The following SIPA1L3 variants were observed in gnomAD, a reference collection of about 807,000 sequenced individuals.
SIPA1L3 encodes the protein signal induced proliferation associated 1 like 3.
A neutral mutation model predicts 150.1 loss-of-function variants in SIPA1L3; 59 were observed. That is an observed-to-expected ratio of 0.39 (90% CI 0.32 to 0.49). SIPA1L3 has a LOEUF of 0.49. SIPA1L3 is among the 20% of genes least tolerant of loss of function. SIPA1L3 has a pLI of 0.86. For synonymous variants in SIPA1L3, 1,070 were observed against 1,077.6 expected (o/e 0.99, Z 0.14); for missense variants, 2,211 against 2,489.5 (o/e 0.89, Z 2.38).
chr19:38,054,810 G>A (rs1969280927), intron 2 of SIPA1L3, among the ~76,000 whole-genome samples: 1 of 152,174 alleles, frequency 6.6e-6, no homozygotes, highest in Admixed American at 6.5e-5. Flanking sequence ...CTTTCCAGGG[G>A]CATCACACGA....
chr19:38,100,400 C>T (rs1404150174), intron 5 of SIPA1L3, among the ~76,000 whole-genome samples: 1 of 152,126 alleles, frequency 6.6e-6, no homozygotes, highest in African/African-American at 2.4e-5. Flanking sequence ...TGTGTGCATG[C>T]ATATATGTGT....
At chr19:38,179,460 AT>A (rs1377484098) in intron 15 of SIPA1L3, among the ~76,000 whole-genome samples, 1 of 152,198 alleles carries the variant, frequency 6.6e-6, no homozygotes, top group Non-Finnish European at 1.5e-5. Flanking sequence ...AAAATAAAAA[AT>A]ATATATAATT....
chr19:38,171,940 G>A (rs1432338481), intron 15 of SIPA1L3, among the ~76,000 whole-genome samples: 1 of 152,108 alleles, frequency 6.6e-6, no homozygotes, highest in South Asian at 2.1e-4. Context: ...CCAATGGGAG[G>A]TTGGGGAAAT....
chr19:38,091,391 T>C (rs1970254095), intron 4 of SIPA1L3, among the ~76,000 whole-genome samples: 1 of 151,918 alleles, frequency 6.6e-6, no homozygotes, highest in South Asian at 2.1e-4. Context: ...GTCTCAAAAA[T>C]ATATACATAC....
At chr19:38,105,157 A>G (rs900294460) in intron 6 of SIPA1L3, among the ~76,000 whole-genome samples, 7 of 151,904 alleles carry the variant, frequency 4.6e-5, no homozygotes, top group African/African-American at 1.7e-4. Flanking sequence ...CAGGGGTTCA[A>G]CCAGCCTGGG....
At chr19:38,140,016 C>T (rs889966968) in intron 10 of SIPA1L3, among the ~76,000 whole-genome samples, 1 of 152,202 alleles carries the variant, frequency 6.6e-6, no homozygotes, top group East Asian at 1.9e-4. Context: ...GTTAAGTTTC[C>T]AACACGTGAC....
chr19:38,031,585 T>A (rs1468582306), intron 2 of SIPA1L3, among the ~76,000 whole-genome samples: 1 of 152,200 alleles, frequency 6.6e-6, no homozygotes, highest in African/African-American at 2.4e-5. Flanking sequence ...TCTCAGTGCG[T>A]CATTGTGGGG....
chr19:37,994,136 A>C (rs566826514), intron 1 of SIPA1L3, among the ~76,000 whole-genome samples: 3 of 152,228 alleles, frequency 2.0e-5, no homozygotes, highest in Admixed American at 1.3e-4. Context: ...TTCTGGCCTC[A>C]AGTGACCCTA....
intron 2 of SIPA1L3, among the ~76,000 whole-genome samples, chr19:38,049,722 C>G (rs925818068): frequency 6.6e-6 from 1 of 152,116 alleles, no homozygotes; most frequent in Non-Finnish European, 1.5e-5. Flanking sequence ...CTCCATTGGC[C>G]AGGCTGATCT....
chr19:38,020,463 T>C (rs563554420), intron 1 of SIPA1L3, among the ~76,000 whole-genome samples: 7 of 152,308 alleles, frequency 4.6e-5, no homozygotes, highest in South Asian at 2.1e-4. Context: ...CGAAACCACA[T>C]TGACAGGCTG....
chr19:37,935,917 A>G (rs752837812), intron 1 of SIPA1L3, among the ~76,000 whole-genome samples: 27 of 152,120 alleles, frequency 1.8e-4, no homozygotes, highest in African/African-American at 3.6e-4. Flanking sequence ...GCACCTTTCT[A>G]TCCTGGCTAC....
chr19:37,930,549 A>G (rs2046544587), intron 1 of SIPA1L3, among the ~76,000 whole-genome samples: 1 of 152,126 alleles, frequency 6.6e-6, no homozygotes, highest in African/African-American at 2.4e-5. Context: ...GCAGACTGAA[A>G]TTTCCTGAGG....
chr19:38,066,748 C>T (rs1042200330), intron 2 of SIPA1L3, among the ~76,000 whole-genome samples: 1 of 152,010 alleles, frequency 6.6e-6, no homozygotes, highest in African/African-American at 2.4e-5. Flanking sequence ...AATTGCTTGA[C>T]CAAGGAGGCA....
intron 4 of SIPA1L3, among the ~76,000 whole-genome samples, chr19:38,098,392 ATT>A (rs71179411): frequency 0.28 from 31,058 of 112,492 alleles, 3,490 homozygotes; most frequent in East Asian, 0.49. Context: ...AGGGGCTTTC[ATT>A]TTTTTTTTTT....
chr19:38,185,688 C>T (rs967944562), intron 16 of SIPA1L3: 5 of 152,172 alleles, frequency 3.3e-5, no homozygotes, highest in African/African-American at 1.2e-4. Flanking sequence ...GTAGATTCAT[C>T]ACCCCCGTCT....
intron 1 of SIPA1L3, among the ~76,000 whole-genome samples, chr19:37,980,621 AG>A (rs1434750884): frequency 6.6e-6 from 1 of 151,942 alleles, no homozygotes; most frequent in Non-Finnish European, 1.5e-5. Context: ...GCCAGGGAGG[AG>A]GGGGCCCGTC....
In SIPA1L3 at chr19:38,081,660, G is replaced by T; in HGVS notation, c.95G>T (p.Gly32Val). 1 of 1,612,054 alleles carries T rather than the reference G, an allele frequency of 6.2e-7. No homozygotes were observed. Among genetic ancestry groups the T allele is most frequent in the Non-Finnish European group, 8.5e-7 (1 of 1,179,514 alleles). Residue 32 changes from glycine (G) to valine (V), a missense_variant, in exon 3 of 22, where the codon GGG (glycine) becomes GTG (valine). This residue lies in a region of SIPA1L3 where 130 missense variants were observed against 174.5 expected (regional missense o/e 0.74). Transcript: ENST00000222345. The stretch of plus-strand genomic sequence containing the variant: ...GATGTCCTCCCTGGGCCACACACAG[G>T]GGACTACGCTCCCTTGGGATTCTGG... ...VGDVLPGPHT[G>V]DYAPLGFWAQ...
At chr19:38,063,272 G>A (rs1191926908) in intron 2 of SIPA1L3, among the ~76,000 whole-genome samples, 1 of 151,234 alleles carries the variant, frequency 6.6e-6, no homozygotes, top group East Asian at 2.0e-4. Context: ...CGCCCCCGCC[G>A]GCCCCCAGCT....
intron 16 of SIPA1L3, among the ~76,000 whole-genome samples, chr19:38,186,973 C>G (rs1013704492): frequency 4.1e-5 from 6 of 147,090 alleles, no homozygotes; most frequent in Admixed American, 1.4e-4. Flanking sequence ...TGCCATTACA[C>G]TCCAGCCTGG....
Sources: allele counts gnomAD v4.1 joint callset (sites outside exome capture counted in the v4.1 genomes callset), GRCh38; gene constraint gnomAD v4.1.1; regional missense constraint gnomAD v4.1.1; transcripts MANE v1.5; gene names NCBI Gene and HGNC (gene_info 2026-07-23, HGNC 2026-07-21).